KIF9: variants seen among roughly 807,000 people sequenced by gnomAD.
KIF9 encodes the protein kinesin-like protein KIF9.
In KIF9, 68 loss-of-function variants were observed where a neutral mutation model predicts 94.8. The ratio of observed to expected loss-of-function variants is 0.72; its 90% CI spans 0.59 to 0.88. The LOEUF (loss-of-function observed/expected upper bound fraction) is 0.88, where lower values mean the gene tolerates loss of function less well. Among genes scored for constraint, KIF9 ranks in the 40% least tolerant of loss-of-function variants. The probability of loss-of-function intolerance (pLI) is 0.00; values close to 1 mark genes in which losing one functional copy is unlikely to be tolerated. For missense variants in KIF9, 882 were observed against 982.5 expected, an observed-to-expected ratio of 0.90 and a Z score of 1.37; for synonymous variants, 343 against 362.1, an observed-to-expected ratio of 0.95 and a Z score of 0.60.
At chr3:47,239,280 G>A (rs1032010261) in intron 17 of KIF9, among the ~76,000 whole-genome samples, 16 of 152,174 alleles carry the variant, frequency 1.1e-4, no homozygotes, top group Admixed American at 6.5e-4. Context: ...AGGAGTAAAT[G>A]ATATGCCAGC....
intron 17 of KIF9, among the ~76,000 whole-genome samples, chr3:47,238,066 A>AT (rs1699168424): frequency 6.6e-6 from 1 of 152,054 alleles, no homozygotes; most frequent in African/African-American, 2.4e-5. Flanking sequence ...TTTAAAGATG[A>AT]TTTTACATTT....
intron 10 of KIF9, among the ~76,000 whole-genome samples, chr3:47,256,030 G>A (rs1046732515): frequency 6.6e-6 from 1 of 152,236 alleles, no homozygotes; most frequent in Non-Finnish European, 1.5e-5. Flanking sequence ...CCGAGGTGCC[G>A]GGATTGCAGA....
chr3:47,253,855 C>T (rs1700415386), intron 10 of KIF9, among the ~76,000 whole-genome samples: 1 of 152,074 alleles, frequency 6.6e-6, no homozygotes, highest in African/African-American at 2.4e-5. Context: ...ACTATTTAAT[C>T]CTTATTACAA....
intron 20 of KIF9, among the ~76,000 whole-genome samples, chr3:47,233,324 T>G (rs1162608042): frequency 1.5e-5 from 2 of 134,366 alleles, no homozygotes; most frequent in African/African-American, 5.8e-5. Context: ...ACTGTGCCAC[T>G]GCATTCCAGC....
In KIF9 at chr3:47,237,469, AG is replaced by A. The variant is rs566381908; in HGVS notation, c.1925-851del. Among the ~76,000 whole-genome samples the A allele has an allele frequency of 2.6e-4, 39 of 152,330 alleles. No individual in the cohort carries two copies. In the East Asian group the frequency reaches 3.7e-3, roughly 14 times the overall value. ...TAGCTATCAAAGGGCTCCAGGGACA[AG>A]GGTCAGTGCTATTAGTCTCTTTGCA... is the stretch of plus-strand genomic sequence containing the variant. On this transcript the variant is annotated intron_variant, in intron 17 of 20. Coordinates refer to ENST00000684063, the MANE Select transcript of KIF9 (RefSeq NM_182902.4).
chr3:47,243,127 G>T lies in KIF9; in HGVS notation c.1633C>A (p.Leu545Ile). The T allele has an allele frequency of 6.2e-7, 1 of 1,613,956 alleles. No homozygotes were observed. The change falls in exon 16 of 21, where the codon CTT becomes ATT. Residue 545 changes from leucine (L) to isoleucine (I), a missense_variant. By Grantham distance (5) the Leu-to-Ile change is conservative. Transcript: ENST00000684063. ...SSKDGDVKDM[L>I]SRDRETSSIE... ...CTGGAAGTTTCCCGGTCCCGCGAAA[G>T]CATGTCTTTGACATCCCCATCTTTG... is the stretch of plus-strand genomic sequence containing the variant.
rs143083634 is a variant in KIF9, at chr3:47,240,967, A to C, written c.1758T>G (p.Asn586Lys). The C allele has an allele frequency of 6.2e-7, 1 of 1,614,084 alleles. No individual in the cohort carries two copies. Among genetic ancestry groups the C allele is most frequent in the Admixed American group, 1.7e-5 (1 of 60,008 alleles). ...SKPVAFEEFK[N>K]EQGSEINRIF... ...TTCGGTTGATCTCACTACCTTGCTC[A>C]TTCTTAAACTCCTCAAAGGCCACTG... Residue 586 changes from asparagine to lysine, a missense_variant, in exon 17 of 21, where the codon AAT becomes AAG. Physicochemically the swap from Asn to Lys is moderately conservative, Grantham distance 94 (BLOSUM62 0). Coordinates refer to ENST00000684063, the MANE Select transcript of KIF9 (RefSeq NM_182902.4).
Position 47,248,485 on chromosome 3 carries a change from C to T in KIF9, c.1060-399G>A, listed in dbSNP as rs535808797. Among the ~76,000 whole-genome samples the T allele has an allele frequency of 2.6e-5, 4 of 152,138 alleles. No individual in the cohort carries two copies. The East Asian group carries it at 5.8e-4, about 22-fold the overall frequency. On this transcript the variant is annotated intron_variant, in intron 10 of 20. Transcript: ENST00000684063. Reference sequence around the variant, plus strand: ...GAGACAGAGTTTTGCTCTTGTCGCCCGGGCTGGAGTGCAATGGCATGGTCT... The same window carrying T: ...GAGACAGAGTTTTGCTCTTGTCGCCTGGGCTGGAGTGCAATGGCATGGTCT...
chr3:47,257,547 C>G lies in KIF9; in HGVS notation c.995G>C (p.Arg332Thr). The G allele has an allele frequency of 6.2e-7, 1 of 1,613,724 alleles. No homozygotes were observed. Among genetic ancestry groups the G allele is most frequent in the South Asian group, 1.1e-5 (1 of 91,086 alleles). The stretch of plus-strand genomic sequence containing the variant: ...GACTAGCTTCATCCTGCTGGCAAAT[C>G]TCAGTGAAGATAGCTGCAAAACAGA... ...AQLEETLSSL[R>T]FASRMKLVTT... Residue 332 changes from arginine to threonine, a missense_variant, in exon 10 of 21, where the codon AGA (arginine) becomes ACA (threonine). By Grantham distance (71) the Arg-to-Thr change is moderately conservative. Coordinates refer to ENST00000684063, the MANE Select transcript of KIF9 (RefSeq NM_182902.4).
chr3:47,279,600 T>C (rs1702195333), intron 1 of KIF9, among the ~76,000 whole-genome samples: 1 of 151,898 alleles, frequency 6.6e-6, no homozygotes, highest in South Asian at 2.1e-4. Context: ...CATTAAATAA[T>C]GGTAATATTT....
rs770570251 is a variant in KIF9 at position 47,236,439 on chromosome 3, G to A, written c.2101+4C>T. The A allele has an allele frequency of 6.8e-6, 11 of 1,612,608 alleles. No homozygotes were observed. Among genetic ancestry groups the A allele is most frequent in the South Asian group, 1.1e-5 (1 of 91,006 alleles). On this transcript the variant is annotated splice_donor_region_variant and intron_variant, in intron 18 of 20. Transcript: ENST00000684063. Reference sequence around the variant, plus strand: ...GTGGCGGCCAACCTTCCCAACTGTCGCACCCATGAGCAGGCGGTGGCGACA... The same window carrying A: ...GTGGCGGCCAACCTTCCCAACTGTCACACCCATGAGCAGGCGGTGGCGACA...
rs545571579 is a variant in KIF9 at position 47,251,851 on chromosome 3, C to CACCA, written c.1060-3769_1060-3766dup. ...TATGCCTGAGGCTCACAGCCCTTTACACCACTTCACAGAATCACCGACTGG... is the reference window on the plus strand; with the variant it reads ...TATGCCTGAGGCTCACAGCCCTTTACACCAACCACTTCACAGAATCACCGACTGG... On this transcript the variant is annotated intron_variant, in intron 10 of 20. Coordinates refer to ENST00000684063, the MANE Select transcript of KIF9 (RefSeq NM_182902.4). 2.2e-4 allele frequency among the ~76,000 whole-genome samples: 34 copies of CACCA among 152,246 alleles called. No individual in the cohort carries two copies. The South Asian group carries it at 6.2e-3, about 28-fold the overall frequency.
At chr3:47,269,768 ATTTTTTTTTTTTT>A (rs36108313) in intron 5 of KIF9, among the ~76,000 whole-genome samples, 2 of 86,450 alleles carry the variant, frequency 2.3e-5, no homozygotes, top group East Asian at 7.0e-4. Flanking sequence ...CTCCCAGCTA[ATTTTTTTTTTTTT>A]TTTTTTTTTT....
chr3:47,279,214 T>C (rs1451221453), intron 1 of KIF9, among the ~76,000 whole-genome samples: 1 of 147,082 alleles, frequency 6.8e-6, no homozygotes, highest in Admixed American at 6.8e-5. Flanking sequence ...GGCTCTTGCC[T>C]GTAATCCCAG....
intron 16 of KIF9, among the ~76,000 whole-genome samples, chr3:47,241,635 A>ATG (rs199803188): frequency 2.2e-5 from 3 of 136,938 alleles, no homozygotes; most frequent in African/African-American, 7.8e-5. Context: ...GATTTCATAT[A>ATG]TGTGTGTGTG....
chr3:47,271,498 A>G, intron 4 of KIF9, 37 bp from the exon 5 acceptor site: 1 of 1,522,932 alleles, frequency 6.6e-7, no homozygotes, highest in South Asian at 1.1e-5. Flanking sequence ...CCAAGAGCAG[A>G]ACCCCAACAG....
chr3:47,253,573 T>C (rs1576004901), intron 10 of KIF9, among the ~76,000 whole-genome samples: 2 of 152,084 alleles, frequency 1.3e-5, no homozygotes, highest in East Asian at 1.9e-4. Flanking sequence ...CTCAGTCTGG[T>C]TTTTTCACTC....
intron 7 of KIF9, among the ~76,000 whole-genome samples, chr3:47,266,285 C>T (rs906057209): frequency 2.0e-5 from 3 of 152,178 alleles, no homozygotes; most frequent in Admixed American, 1.3e-4. Flanking sequence ...AATACTTCTG[C>T]TAATACACTC....
intron 17 of KIF9, among the ~76,000 whole-genome samples, chr3:47,237,685 G>A (rs772484369): frequency 2.2e-4 from 33 of 152,180 alleles, no homozygotes; most frequent in Non-Finnish European, 3.5e-4. Flanking sequence ...GTGTGGCTGG[G>A]GTGCATGAGG....
Sources: allele counts gnomAD v4.1 joint callset (sites outside exome capture counted in the v4.1 genomes callset), GRCh38; gene constraint gnomAD v4.1.1; transcripts MANE v1.5; gene names NCBI Gene and HGNC (gene_info 2026-07-23, HGNC 2026-07-21).